The following LNPK variants were observed in gnomAD, a reference collection of about 807,000 sequenced individuals.
The protein encoded by LNPK is lunapark, ER junction formation factor, also known as endoplasmic reticulum junction formation protein lunapark.
In LNPK, 29 loss-of-function variants were observed where a neutral mutation model predicts 55.2. The ratio of observed to expected loss-of-function variants is 0.53; its 90% CI spans 0.39 to 0.72. LNPK has a LOEUF of 0.72. Ranked by LOEUF, LNPK falls within the 30% of genes least tolerant of loss-of-function variation. The probability of loss-of-function intolerance (pLI) is 0.00; values close to 1 mark genes in which losing one functional copy is unlikely to be tolerated. For missense variants in LNPK, 467 were observed against 494.8 expected (o/e 0.94, Z 0.53); for synonymous variants, 162 against 168.2 (o/e 0.96, Z 0.29).
chr2:175,974,589 T>C (rs2105664847), intron 5 of LNPK, among the ~76,000 whole-genome samples: 1 of 152,310 alleles, frequency 6.6e-6, no homozygotes, highest in South Asian at 2.1e-4. Flanking sequence ...ACTATTGCAA[T>C]AATTTAAAAA....
intron 1 of LNPK, among the ~76,000 whole-genome samples, chr2:175,998,267 C>G (rs1244314400): frequency 4.0e-5 from 6 of 151,844 alleles, no homozygotes; most frequent in Non-Finnish European, 2.9e-5. Flanking sequence ...GATGGTGAAA[C>G]CCCGTCTCTA....
chr2:175,994,253 G>A, intron 2 of LNPK: 1 of 970,754 alleles, frequency 1.0e-6, no homozygotes, highest in African/African-American at 1.8e-5. Flanking sequence ...CCAAGCAGTT[G>A]AATACTGGCA....
chr2:175,970,100 A>G (rs1218986942), intron 6 of LNPK, among the ~76,000 whole-genome samples: 1 of 152,208 alleles, frequency 6.6e-6, no homozygotes, highest in Non-Finnish European at 1.5e-5. Flanking sequence ...CACTTCAAAA[A>G]TAATCATTAA....
rs1319560094 is a variant in LNPK at position 175,926,252 on chromosome 2, A to C, written c.*3715T>G. 6.6e-6 allele frequency: 1 copy of C among 152,244 alleles called. No homozygotes were observed. Among genetic ancestry groups the C allele is most frequent in the Non-Finnish European group, 1.5e-5 (1 of 68,044 alleles). The allele number at this position is 152,244 out of a possible 1,614,324, so 9.4% of individuals were successfully genotyped here. A position where few individuals can be genotyped will look rare whatever the true frequency, so the allele number is the denominator to read the frequency against. ...AAGCATGTGTTGAAAACTTATGCTA[A>C]CTGTTGCATTGGAAGGTGGAGCCTA... On this transcript the variant is annotated 3_prime_UTR_variant, in exon 13 of 13. Transcript: ENST00000272748.
chr2:175,975,828 T>C (rs1686883024), intron 5 of LNPK, among the ~76,000 whole-genome samples: 2 of 152,110 alleles, frequency 1.3e-5, no homozygotes, highest in African/African-American at 4.8e-5. Flanking sequence ...TTGGACAAAA[T>C]GGTGAAACCC....
intron 6 of LNPK, among the ~76,000 whole-genome samples, chr2:175,965,653 T>A (rs1237929472): frequency 6.6e-6 from 1 of 152,130 alleles, no homozygotes; most frequent in African/African-American, 2.4e-5. Context: ...ATTTAAGAGG[T>A]AGGTACTTAG....
At chr2:175,940,923 T>C in intron 9 of LNPK, 1 of 451,376 alleles carries the variant, frequency 2.2e-6, no homozygotes, top group South Asian at 1.6e-5. Context: ...ACAAAAAAAC[T>C]GGTGAACTTT....
At chr2:175,970,555 T>A (rs151019286) in intron 6 of LNPK, among the ~76,000 whole-genome samples, 1 of 151,820 alleles carries the variant, frequency 6.6e-6, no homozygotes, top group African/African-American at 2.4e-5. Flanking sequence ...CTGATACAGA[T>A]TCTCAGAATC....
chr2:175,947,413 T>C, intron 9 of LNPK, 67 bp downstream of exon 9: 3 of 1,336,904 alleles, frequency 2.2e-6, no homozygotes, highest in Middle Eastern at 2.6e-4. Context: ...CACCTGAAAA[T>C]GGCCCGTTTT....
At chr2:175,948,730 C>T (rs1029315122) in intron 8 of LNPK, among the ~76,000 whole-genome samples, 2 of 152,044 alleles carry the variant, frequency 1.3e-5, no homozygotes, top group Non-Finnish European at 2.9e-5. Context: ...ATACATATGT[C>T]CAGAAGCAAA....
chr2:176,000,940 A>T (rs976738440), intron 1 of LNPK, among the ~76,000 whole-genome samples: 3 of 152,162 alleles, frequency 2.0e-5, no homozygotes, highest in Admixed American at 6.5e-5. Context: ...TCTGAACTAA[A>T]TACCACCAAA....
At chr2:175,979,311 C>T (rs12373742) in intron 5 of LNPK, among the ~76,000 whole-genome samples, 20,439 of 152,150 alleles carry the variant, frequency 0.13, 1,752 homozygotes, top group Non-Finnish European at 0.2. Flanking sequence ...GTAATCCTAG[C>T]ACTTTGGGAG....
Position 175,981,125 on chromosome 2 carries a change from T to C in LNPK, c.258-1257A>G, listed in dbSNP as rs559411748. 2.4e-4 allele frequency among the ~76,000 whole-genome samples: 36 copies of C among 152,288 alleles called. 1 individual carries two copies. The highest frequency in any genetic ancestry group is 6.7e-4 in the African/African-American group (28 of 41,582). ...TCCCTGTCTCTTGGTATTCACACCA[T>C]TGTGTAGTCCTCTCTCACCAGTGTT... On this transcript the variant is annotated intron_variant, in intron 4 of 12. Transcript: ENST00000272748.
In LNPK at chr2:175,972,709, G is replaced by C. The variant is rs147554141; in HGVS notation, c.317-1905C>G. 1.0e-3 allele frequency among the ~76,000 whole-genome samples: 158 copies of C among 152,276 alleles called. 1 individual carries two copies. Among genetic ancestry groups the C allele is most frequent in the African/African-American group, 3.4e-3 (141 of 41,550 alleles). ...TTTGATTTTTTAATGTCTTTTCACA[G>C]AGGTAGTTACTGCCAAATACTGATA... On this transcript the variant is annotated intron_variant, in intron 5 of 12. Transcript: ENST00000272748.
chr2:175,961,871 C>T (rs1167907854), intron 8 of LNPK, among the ~76,000 whole-genome samples: 4 of 152,190 alleles, frequency 2.6e-5, no homozygotes, highest in Admixed American at 1.3e-4. Flanking sequence ...GATACAAAAT[C>T]AATGTGCAAA....
In LNPK at chr2:175,937,358, T is replaced by A; in HGVS notation, c.1040A>T (p.Asn347Ile). 6.2e-7 allele frequency: 1 copy of A among 1,613,246 alleles called. No individual in the cohort carries two copies. The highest frequency in any genetic ancestry group is 8.5e-7 in the Non-Finnish European group (1 of 1,179,574). ...CATATTCATACCTTCATTAAACTGG[T>A]TGTCTGATGAAAGCACACTTCCTGA... ...LPSGSVLSSD[N>I]QFNEESLEHD... The change falls in exon 12 of 13, where the codon AAC becomes ATC. Residue 347 changes from asparagine (N) to isoleucine (I), a missense_variant. Transcript: ENST00000272748.
At position 175,926,352 on chromosome 2, in the gene LNPK, C is replaced by G. The variant is rs535149064; in HGVS notation, c.*3615G>C. 3.9e-5 allele frequency: 6 copies of G among 152,342 alleles called. No individual in the cohort carries two copies. The South Asian group carries it at 1.2e-3, about 32-fold the overall frequency. 9.4% of individuals were successfully genotyped at this position (152,342 alleles called of 1,614,324 possible). On this transcript the variant is annotated 3_prime_UTR_variant, in exon 13 of 13. Transcript: ENST00000272748. ...CTCATTATAAAAGAGCTTGAGGTTG[C>G]AACTTCCATCTCTTGCTCACTCTTG...
At chr2:175,977,233 C>G (rs893623434) in intron 5 of LNPK, among the ~76,000 whole-genome samples, 9 of 152,130 alleles carry the variant, frequency 5.9e-5, no homozygotes, top group African/African-American at 2.2e-4. Context: ...ATAAAATCAC[C>G]TAGAGATGTA....
At chr2:175,937,231 T>C (rs1684591664) in intron 12 of LNPK, 113 bp downstream of exon 12, 8 of 1,005,160 alleles carry the variant, frequency 8.0e-6, no homozygotes, top group Non-Finnish European at 8.8e-6. Context: ...AGTTGACATA[T>C]GCATGCAGCA....
Sources: allele counts gnomAD v4.1 joint callset (sites outside exome capture counted in the v4.1 genomes callset), GRCh38; gene constraint gnomAD v4.1.1; transcripts MANE v1.5; gene names NCBI Gene and HGNC (gene_info 2026-07-23, HGNC 2026-07-21).